The following LRRC58 variants were observed in gnomAD, a reference collection of about 807,000 sequenced individuals.
LRRC58 encodes leucine rich repeat containing 58.
A neutral mutation model predicts 30.6 loss-of-function variants in LRRC58; 18 were observed. That is an observed-to-expected ratio of 0.59 (90% CI 0.41 to 0.87). The LOEUF is 0.87. Among genes scored for constraint, LRRC58 ranks in the 40% least tolerant of loss-of-function variants. The pLI is 0.00. For synonymous variants in LRRC58, 221 were observed against 206.0 expected, an observed-to-expected ratio of 1.07 and a Z score of -0.62; for missense variants, 420 against 468.4, an observed-to-expected ratio of 0.90 and a Z score of 0.95.
intron 1 of LRRC58, among the ~76,000 whole-genome samples, chr3:120,344,822 T>TA (rs896889648): frequency 1.4e-4 from 22 of 152,182 alleles, no homozygotes; most frequent in African/African-American, 4.8e-4. Flanking sequence ...ATATCTAACC[T>TA]AACTGAGAAG....
chr3:120,332,448 G>C lies in LRRC58; in HGVS notation c.908-1040C>G, dbSNP rs115708832. Among the ~76,000 whole-genome samples, 1,210 of 152,144 alleles carry C rather than the reference G, an allele frequency of 8.0e-3. 9 individuals carry two copies. The highest frequency in any genetic ancestry group is 0.028 in the African/African-American group (1,141 of 41,466). On this transcript the variant is annotated intron_variant, in intron 3 of 3. Transcript: ENST00000295628. ...GGCGAAATTTGTGGTACATTACTCTGAATGATTGAGGAAAGTAAATACATT... is the reference window on the plus strand; with the variant it reads ...GGCGAAATTTGTGGTACATTACTCTCAATGATTGAGGAAAGTAAATACATT...
At chr3:120,344,385 C>T (rs748599274) in intron 1 of LRRC58, among the ~76,000 whole-genome samples, 5 of 152,112 alleles carry the variant, frequency 3.3e-5, no homozygotes, top group African/African-American at 7.2e-5. Flanking sequence ...GTCAGAGGGA[C>T]GATGTTGAGA....
chr3:120,331,906 T>A (rs1182882148), intron 3 of LRRC58, among the ~76,000 whole-genome samples: 1 of 152,248 alleles, frequency 6.6e-6, no homozygotes, highest in Non-Finnish European at 1.5e-5. Context: ...AAGAAATAAA[T>A]GCCATTTTAC....
intron 2 of LRRC58, among the ~76,000 whole-genome samples, chr3:120,335,586 T>C (rs1348746490): frequency 6.6e-6 from 1 of 152,224 alleles, no homozygotes; most frequent in Non-Finnish European, 1.5e-5. Flanking sequence ...TGTATGCTAA[T>C]ACTCAATTCT....
chr3:120,343,931 T>C (rs1450161801), intron 1 of LRRC58, among the ~76,000 whole-genome samples: 1 of 151,990 alleles, frequency 6.6e-6, no homozygotes, highest in Non-Finnish European at 1.5e-5. Context: ...CCCAGCTACT[T>C]GGGAGGCTGA....
At chr3:120,337,846 C>T (rs1935854632) in intron 1 of LRRC58, among the ~76,000 whole-genome samples, 1 of 148,842 alleles carries the variant, frequency 6.7e-6, no homozygotes, top group African/African-American at 2.5e-5. Flanking sequence ...TCTATTTGTT[C>T]TTTTTTTTTT....
chr3:120,346,277 AC>A (rs113060460), intron 1 of LRRC58, among the ~76,000 whole-genome samples: 17,290 of 151,406 alleles, frequency 0.11, 1,194 homozygotes, highest in Admixed American at 0.22. Context: ...AAAACAAAAA[AC>A]AAAAAACAAA....
rs66631816 is a variant in LRRC58, at chr3:120,327,247, C to CTTTTTTTTTTTTTTT, written c.*3938_*3952dup. 4.1e-5 allele frequency: 4 copies of CTTTTTTTTTTTTTTT among 96,716 alleles called. No individual in the cohort carries two copies. The highest frequency in any genetic ancestry group is 8.1e-5 in the African/African-American group (2 of 24,626). 6.0% of individuals were successfully genotyped at this position (96,716 alleles called of 1,614,324 possible). A position where few individuals can be genotyped will look rare whatever the true frequency, so the allele number is the denominator to read the frequency against. ...CTAGCCCTGTGGCTTCTAAAGATTT[C>CTTTTTTTTTTTTTTT]TTTTTTTTTTTTTTTTTTTTTTGAG... On this transcript the variant is annotated 3_prime_UTR_variant, in exon 4 of 4. Coordinates refer to ENST00000295628, the MANE Select transcript of LRRC58 (RefSeq NM_001099678.2).
chr3:120,331,852 A>T (rs1161138841), intron 3 of LRRC58, among the ~76,000 whole-genome samples: 1 of 152,230 alleles, frequency 6.6e-6, no homozygotes, highest in Non-Finnish European at 1.5e-5. Context: ...AAAGGGGATG[A>T]CTTTTGGCAC....
chr3:120,343,990 G>A (rs1204108194), intron 1 of LRRC58, among the ~76,000 whole-genome samples: 1 of 152,124 alleles, frequency 6.6e-6, no homozygotes, highest in African/African-American at 2.4e-5. Flanking sequence ...AGTGAGGTGA[G>A]ATCGTGCCGC....
In LRRC58 at chr3:120,347,379, CTTTTTT is replaced by C. The variant is rs796116731; in HGVS notation, c.500+1359_500+1364del. Among the ~76,000 whole-genome samples the C allele has an allele frequency of 5.1e-4, 28 of 54,852 alleles. No individual in the cohort carries two copies. The South Asian group carries it at 7.7e-3, about 15-fold the overall frequency. 36.0% of individuals were successfully genotyped at this position (54,852 alleles called of 152,430 possible). A position where few individuals can be genotyped will look rare whatever the true frequency, so the allele number is the denominator to read the frequency against. On this transcript the variant is annotated intron_variant, in intron 1 of 3. Coordinates refer to ENST00000295628, the MANE Select transcript of LRRC58 (RefSeq NM_001099678.2). ...AGTTCTTTTTTCCCAGGCCAATATT[CTTTTTT>C]TTTTTTTTTTTTTTTTTGAGACAGA...
rs1239070311 is a variant in LRRC58 at position 120,326,532 on chromosome 3, G to A, written c.*4668C>T. ...GGCATAGCACTTAATATGGAAACTGGGACATTCAATACAGAAGGAATCAGA... is the reference window on the plus strand; with the variant it reads ...GGCATAGCACTTAATATGGAAACTGAGACATTCAATACAGAAGGAATCAGA... On this transcript the variant is annotated 3_prime_UTR_variant, in exon 4 of 4. Transcript: ENST00000295628. 1.3e-5 allele frequency: 2 copies of A among 152,046 alleles called. No homozygotes were observed. Among genetic ancestry groups the A allele is most frequent in the Middle Eastern group, 3.2e-3 (1 of 316 alleles). 9.4% of individuals were successfully genotyped at this position (152,046 alleles called of 1,614,324 possible). A position where few individuals can be genotyped will look rare whatever the true frequency, so the allele number is the denominator to read the frequency against.
At chr3:120,347,251 A>G (rs1935979626) in intron 1 of LRRC58, among the ~76,000 whole-genome samples, 1 of 152,174 alleles carries the variant, frequency 6.6e-6, no homozygotes, top group African/African-American at 2.4e-5. Flanking sequence ...AGAGTAAATG[A>G]AGAGACATCT....
Position 120,346,278 on chromosome 3 carries a change from C to A in LRRC58, c.500+2466G>T, listed in dbSNP as rs201357364. Among the ~76,000 whole-genome samples the A allele has an allele frequency of 7.3e-4, 87 of 119,190 alleles. No homozygotes were observed. In the Middle Eastern group the frequency reaches 0.013, roughly 18 times the overall value. The allele number at this position is 119,190 out of a possible 152,430, so 78.2% of individuals were successfully genotyped here. On this transcript the variant is annotated intron_variant, in intron 1 of 3. Coordinates refer to ENST00000295628, the MANE Select transcript of LRRC58 (RefSeq NM_001099678.2). ...TCTCAAAAAAACAGAAAACAAAAAACAAAAAACAAAAACAAGCAAAAAACC... is the reference window on the plus strand; with the variant it reads ...TCTCAAAAAAACAGAAAACAAAAAAAAAAAAACAAAAACAAGCAAAAAACC...
chr3:120,335,782 A>C (rs1191940258), intron 2 of LRRC58, 43 bp downstream of exon 2: 1 of 1,471,930 alleles, frequency 6.8e-7, no homozygotes, highest in Non-Finnish European at 9.2e-7. Flanking sequence ...ATAATTACTA[A>C]GCATAGATGT....
In LRRC58 at chr3:120,348,860, G is replaced by T; in HGVS notation, c.384C>A (p.Ser128Arg). 1 of 1,601,342 alleles carries T rather than the reference G, an allele frequency of 6.2e-7. No homozygotes were observed. Among genetic ancestry groups the T allele is most frequent in the Non-Finnish European group, 8.5e-7 (1 of 1,174,918 alleles). Residue 128 changes from serine (S) to arginine (R), a missense_variant, in exon 1 of 4, where the codon AGC (serine) becomes AGA (arginine). Around this residue, in one of 2 missense-constraint regions of LRRC58, gnomAD observed 266 missense variants for 251.7 expected, o/e 1.06. Transcript: ENST00000295628. ...LCRSLQVLNL[S>R]GNCFQEVPAS... ...CAGGCACCTCCTGGAAACAGTTGCC[G>T]CTGAGGTTGAGCACCTGGAGGCTGC...
chr3:120,336,016 T>C (rs1227431318), intron 1 of LRRC58, 63 bp from the exon 2 acceptor site: 2 of 1,212,240 alleles, frequency 1.6e-6, no homozygotes, highest in Non-Finnish European at 2.3e-6. Flanking sequence ...CCCCATTGTG[T>C]CTACTACAAA....
intron 1 of LRRC58, among the ~76,000 whole-genome samples, chr3:120,347,738 T>C: frequency 6.6e-6 from 1 of 152,212 alleles, no homozygotes; most frequent in East Asian, 1.9e-4. Context: ...AGGTCCCTTC[T>C]ACCTTTAACG....
At chr3:120,334,069 C>G (rs1003069921) in intron 3 of LRRC58, among the ~76,000 whole-genome samples, 1 of 152,150 alleles carries the variant, frequency 6.6e-6, no homozygotes, top group African/African-American at 2.4e-5. Context: ...GCTCTAAACT[C>G]AAGACATTTT....
Sources: allele counts gnomAD v4.1 joint callset (sites outside exome capture counted in the v4.1 genomes callset), GRCh38; gene constraint gnomAD v4.1.1; regional missense constraint gnomAD v4.1.1; transcripts MANE v1.5; gene names NCBI Gene and HGNC (gene_info 2026-07-23, HGNC 2026-07-21).